LARP7: variants seen among roughly 807,000 people sequenced by gnomAD.
LARP7 encodes the protein La ribonucleoprotein 7, transcriptional regulator, also known as la-related protein 7.
Under a neutral mutation model 69.3 loss-of-function variants are expected in LARP7, and 52 were observed. That is an observed-to-expected ratio of 0.75 (90% CI 0.60 to 0.95). The LOEUF is 0.95. Among genes scored for constraint, LARP7 ranks in the 40% least tolerant of loss-of-function variants. The probability of loss-of-function intolerance (pLI) is 0.00; values close to 1 mark genes in which losing one functional copy is unlikely to be tolerated. For synonymous variants in LARP7, 254 were observed against 215.9 expected (o/e 1.18, Z -1.55); for missense variants, 733 against 673.0 (o/e 1.09, Z -0.99).
In LARP7 at chr4:112,647,051, A is replaced by G; in HGVS notation, c.570A>G (p.Pro190=). The stretch of plus-strand genomic sequence containing the variant: ...CATTTCAGTTTCTTAACAACCCACC[A>G]GAAGAAGCACCAAGAAAACCTGGCA... ...AKAIEFLNNP[P]EEAPRKPGIF... is the part of the protein sequence containing the mutation. The change falls in exon 6 of 13, where the codon CCA becomes CCG. Residue 190 remains proline (P), a synonymous_variant. Transcript: ENST00000344442. The G allele has an allele frequency of 6.2e-7, 1 of 1,610,802 alleles. No homozygotes were observed. Among genetic ancestry groups the G allele is most frequent in the East Asian group, 2.2e-5 (1 of 44,848 alleles).
chr4:112,648,274 T>TA (rs1028787993), intron 8 of LARP7: 1 of 528,668 alleles, frequency 1.9e-6, no homozygotes, highest in African/African-American at 1.9e-5. Context: ...TGGAAAAAGT[T>TA]AGAATCCTTT....
rs201473122 is a variant in LARP7, at chr4:112,657,158, CTA to C, written c.1669-88_1669-87del. ...TAAGCTGATAGCTGTGAAATTTTTT[CTA>C]GTCATAGTTTTGTGTGTGTGTGTGT... is the stretch of plus-strand genomic sequence containing the variant. On this transcript the variant is annotated intron_variant, in intron 12 of 12. Coordinates refer to ENST00000344442, the MANE Select transcript of LARP7 (RefSeq NM_016648.4). 3.4e-5 allele frequency: 18 copies of C among 535,126 alleles called. No individual in the cohort carries two copies. The East Asian group carries it at 7.0e-4, about 21-fold the overall frequency. The allele number at this position is 535,126 out of a possible 1,614,324, so 33.1% of individuals were successfully genotyped here.
chr4:112,647,154 G>T, intron 6 of LARP7, 27 bp downstream of exon 6: 1 of 1,596,784 alleles, frequency 6.3e-7, no homozygotes, highest in Admixed American at 1.8e-5. Flanking sequence ...ATTTAAATAG[G>T]TGTAGTTGAA....
chr4:112,652,115 A>G (rs780436822), intron 10 of LARP7, among the ~76,000 whole-genome samples: 2 of 151,808 alleles, frequency 1.3e-5, no homozygotes, highest in East Asian at 1.9e-4. Context: ...ATTTTATTAT[A>G]TATTTTTTAT....
intron 11 of LARP7, among the ~76,000 whole-genome samples, chr4:112,653,553 C>G (rs543432547): frequency 4.6e-5 from 7 of 152,208 alleles, no homozygotes; most frequent in Middle Eastern, 3.4e-3. Flanking sequence ...GGTGCGATCT[C>G]GGCTCACTGC....
chr4:112,643,473 T>A (rs1045447215), intron 1 of LARP7, among the ~76,000 whole-genome samples: 2 of 152,180 alleles, frequency 1.3e-5, no homozygotes, highest in African/African-American at 2.4e-5. Flanking sequence ...GGGGAAGAGA[T>A]ACTGAAAGTA....
At position 112,637,150 on chromosome 4, in the gene LARP7, G is replaced by A. The variant is rs555797519; in HGVS notation, c.-92G>A. On this transcript the variant is annotated 5_prime_UTR_variant, in exon 1 of 13. An upstream start codon of the reference 5' UTR is lost. Transcript: ENST00000344442. Reference sequence around the variant, plus strand: ...CGGAAAACGTTGTCGCTCATCCTATGACGCGAAAGTAACCGAGACTATCAG... The same window carrying A: ...CGGAAAACGTTGTCGCTCATCCTATAACGCGAAAGTAACCGAGACTATCAG... 2 of 152,348 alleles carry A rather than the reference G, an allele frequency of 1.3e-5. No homozygotes were observed. Among genetic ancestry groups the A allele is most frequent in the East Asian group, 1.9e-4 (1 of 5,182 alleles). The allele number at this position is 152,348 out of a possible 1,614,324, so 9.4% of individuals were successfully genotyped here.
chr4:112,655,143 GC>G (rs1341596394), intron 12 of LARP7, among the ~76,000 whole-genome samples: 1 of 152,134 alleles, frequency 6.6e-6, no homozygotes, highest in East Asian at 1.9e-4. Flanking sequence ...TGGTGGGGAA[GC>G]CTCCTGTGCT....
chr4:112,647,404 A>T lies in LARP7; in HGVS notation c.852A>T (p.Ala284=). Reference sequence around the variant, plus strand: ...AGAAAAAACGGGACAGAGTTGAAGCATCTAGCTTACCTGAAGTCAGAACAG... The same window carrying T: ...AGAAAAAACGGGACAGAGTTGAAGCTTCTAGCTTACCTGAAGTCAGAACAG... ...KKKKKRDRVE[A]SSLPEVRTGK... The change falls in exon 7 of 13, where the codon GCA becomes GCT. Residue 284 remains alanine (A), a synonymous_variant. Coordinates refer to ENST00000344442, the MANE Select transcript of LARP7 (RefSeq NM_016648.4). 6.2e-7 allele frequency: 1 copy of T among 1,614,124 alleles called. No homozygotes were observed. The highest frequency in any genetic ancestry group is 8.5e-7 in the Non-Finnish European group (1 of 1,180,022).
chr4:112,640,002 G>C (rs1438236803), intron 1 of LARP7, among the ~76,000 whole-genome samples: 1 of 152,068 alleles, frequency 6.6e-6, no homozygotes, highest in African/African-American at 2.4e-5. Flanking sequence ...GCAGTGGTAC[G>C]ATCTCGAATC....
chr4:112,646,767 A>C, intron 4 of LARP7, 24 bp from the exon 5 acceptor site: 1 of 1,564,486 alleles, frequency 6.4e-7, no homozygotes, highest in Non-Finnish European at 8.6e-7. Flanking sequence ...GAAAAACTCT[A>C]ATATTGCTTT....
At position 112,652,974 on chromosome 4, in the gene LARP7, G is replaced by A. The variant is rs1157556495; in HGVS notation, c.1417-103G>A. On this transcript the variant is annotated intron_variant, in intron 10 of 12. Transcript: ENST00000344442. ...TTTGCTCCTCATTAGACTGCAAAATGCTTTATTTACATAATATATTCTGGC... is the reference window on the plus strand; with the variant it reads ...TTTGCTCCTCATTAGACTGCAAAATACTTTATTTACATAATATATTCTGGC... The A allele has an allele frequency of 3.7e-6, 3 of 800,288 alleles. No homozygotes were observed. The African/African-American group carries it at 5.3e-5, about 14-fold the overall frequency. 49.6% of individuals were successfully genotyped at this position (800,288 alleles called of 1,614,324 possible). A position where few individuals can be genotyped will look rare whatever the true frequency, so the allele number is the denominator to read the frequency against.
chr4:112,650,429 T>G (rs1560945136), intron 9 of LARP7, 32 bp from the exon 10 acceptor site: 1 of 1,611,724 alleles, frequency 6.2e-7, no homozygotes, highest in Non-Finnish European at 8.5e-7. Context: ...GTGTAAGAGA[T>G]TTAGTCCTGG....
Position 112,647,792 on chromosome 4 carries a change from A to G in LARP7, c.1100A>G (p.His367Arg). The change falls in exon 8 of 13, where the codon CAT becomes CGT. Residue 367 changes from histidine to arginine, a missense_variant. Coordinates refer to ENST00000344442, the MANE Select transcript of LARP7 (RefSeq NM_016648.4). ...CATAAGAAAAAACATAAAGAGAGACATAAAATGGGAGAAGAAGTTATACCA... is the reference window on the plus strand; with the variant it reads ...CATAAGAAAAAACATAAAGAGAGACGTAAAATGGGAGAAGAAGTTATACCA... ...RKHKKKHKERHKMGEEVIPLR... is the reference protein window; with the variant it reads ...RKHKKKHKERRKMGEEVIPLR... 1 of 1,588,472 alleles carries G rather than the reference A, an allele frequency of 6.3e-7. No individual in the cohort carries two copies. Among genetic ancestry groups the G allele is most frequent in the Non-Finnish European group, 8.6e-7 (1 of 1,166,780 alleles).
At position 112,650,482 on chromosome 4, in the gene LARP7, G is replaced by C; in HGVS notation, c.1316G>C (p.Arg439Pro). 6.2e-7 allele frequency: 1 copy of C among 1,613,612 alleles called. No individual in the cohort carries two copies. The highest frequency in any genetic ancestry group is 8.5e-7 in the Non-Finnish European group (1 of 1,179,688). The change falls in exon 10 of 13, where the codon CGC (arginine) becomes CCC (proline). Residue 439 changes from arginine (R) to proline (P), a missense_variant. Transcript: ENST00000344442. ...TCAGCAGCCAACAGGGAAGAGTGTC[G>C]CACCCAGGAGAAAGTTAATGCAACA... ...NEKTANREECRTQEKVNATGP... is the reference protein window; with the variant it reads ...NEKTANREECPTQEKVNATGP...
Position 112,647,678 on chromosome 4 carries a change from A to G in LARP7, c.998-12A>G. 6.6e-7 allele frequency: 1 copy of G among 1,507,944 alleles called. No individual in the cohort carries two copies. The highest frequency in any genetic ancestry group is 1.4e-5 in the South Asian group (1 of 69,758). 93.4% of individuals were successfully genotyped at this position (1,507,944 alleles called of 1,614,324 possible). ...CCATGTCTTAACGGAGAGCTTTTTT[A>G]TTTATTTCAAGATATAGAAATCTCT... On this transcript the variant is annotated splice_polypyrimidine_tract_variant and intron_variant, in intron 7 of 12. Coordinates refer to ENST00000344442, the MANE Select transcript of LARP7 (RefSeq NM_016648.4).
At chr4:112,651,771 G>A (rs2048751218) in intron 10 of LARP7, among the ~76,000 whole-genome samples, 1 of 152,028 alleles carries the variant, frequency 6.6e-6, no homozygotes, top group Admixed American at 6.6e-5. Context: ...TAAATTCTAA[G>A]GGTTTTAAAT....
At chr4:112,656,051 A>G (rs2048941713) in intron 12 of LARP7, among the ~76,000 whole-genome samples, 1 of 152,188 alleles carries the variant, frequency 6.6e-6, no homozygotes, top group African/African-American at 2.4e-5. Context: ...CAATATTTCT[A>G]CAATAGTGTT....
intron 12 of LARP7, chr4:112,654,369 A>G (rs940512970): frequency 1.1e-5 from 5 of 443,890 alleles, no homozygotes; most frequent in Non-Finnish European, 2.0e-5. Context: ...ACAAGGATAC[A>G]TAATTTTAAT....
Sources: allele counts gnomAD v4.1 joint callset (sites outside exome capture counted in the v4.1 genomes callset), GRCh38; gene constraint gnomAD v4.1.1; transcripts MANE v1.5; gene names NCBI Gene and HGNC (gene_info 2026-07-23, HGNC 2026-07-21).